The following SEC16A variants were observed in gnomAD, a reference collection of about 807,000 sequenced individuals.
SEC16A encodes SEC16 homolog A, endoplasmic reticulum export factor.
Under a neutral mutation model 221.9 loss-of-function variants are expected in SEC16A, and 110 were observed. The observed-to-expected ratio is 0.50, with a 90% CI of 0.42 to 0.58. The LOEUF (loss-of-function observed/expected upper bound fraction) is 0.58. Ranked by LOEUF, SEC16A falls within the 20% of genes least tolerant of loss-of-function variation. The pLI is 0.00. For synonymous variants in SEC16A, 1,393 were observed against 1,257.7 expected, an observed-to-expected ratio of 1.11 and a Z score of -2.28; for missense variants, 3,165 against 3,097.8, an observed-to-expected ratio of 1.02 and a Z score of -0.52.
At chr9:136,451,491 G>A (rs560337635) in intron 22 of SEC16A, 83 bp from the exon 23 acceptor site, 46 of 1,440,786 alleles carry the variant, frequency 3.2e-5, no homozygotes, top group Non-Finnish European at 3.6e-5. Context: ...TTCCCCAGGC[G>A]TGTTTCCTAA....
chr9:136,482,217 C>G (rs1040499353), intron 1 of SEC16A, among the ~76,000 whole-genome samples: 28 of 152,314 alleles, frequency 1.8e-4, no homozygotes, highest in African/African-American at 6.7e-4. Flanking sequence ...AGTATCACTT[C>G]TAGGAAGAAC....
intron 3 of SEC16A, among the ~76,000 whole-genome samples, 163 bp downstream of exon 3, chr9:136,473,886 T>C (rs1338074322): frequency 6.6e-6 from 1 of 152,242 alleles, no homozygotes; most frequent in African/African-American, 2.4e-5. Flanking sequence ...CCGGGAGCCC[T>C]GTCCTCAGGA....
At chr9:136,464,652 C>G (rs909330784) in intron 8 of SEC16A, 90 bp from the exon 9 acceptor site, 1 of 1,189,532 alleles carries the variant, frequency 8.4e-7, no homozygotes, top group Non-Finnish European at 1.2e-6. Context: ...CAGCTTAAAT[C>G]ACAGGTTAGA....
At chr9:136,465,829 G>A (rs1445733589) in intron 8 of SEC16A, 133 bp downstream of exon 8, 2 of 922,342 alleles carry the variant, frequency 2.2e-6, no homozygotes, top group East Asian at 2.7e-5. Flanking sequence ...CTTCTCGGAA[G>A]GACGGATTGG....
At chr9:136,457,722 CTCA>C (rs1838884543) in intron 17 of SEC16A, 138 bp from the exon 18 acceptor site, 1 of 1,087,104 alleles carries the variant, frequency 9.2e-7, no homozygotes. Context: ...GGACACTTCA[CTCA>C]TCATCGTCTC....
At chr9:136,454,084 C>A in intron 21 of SEC16A, 25 bp downstream of exon 21, 12 of 1,540,390 alleles carry the variant, frequency 7.8e-6, no homozygotes, top group East Asian at 2.4e-5. Flanking sequence ...CTTCTGCTCT[C>A]GAGACAGCAT....
chr9:136,484,358 A>T, upstream of SEC16A: 2 of 1,148,476 alleles, frequency 1.7e-6, no homozygotes, highest in African/African-American at 3.3e-5. Context: ...CCTCCCGCGG[A>T]AGATCGCAGG....
At position 136,474,404 on chromosome 9, in the gene SEC16A, G is replaced by C. The variant is rs748839439; in HGVS notation, c.3212C>G (p.Pro1071Arg). ...CGAAAACATGGCTTTGGGTAGTTGT[G>C]GGGGAGAAGCCTGTTGCTGGGGTGG... is the stretch of plus-strand genomic sequence containing the variant. Reference protein sequence around the residue: ...LVPPQQQASPPQLPKAMFSEL... With the variant: ...LVPPQQQASPRQLPKAMFSEL... Residue 1071 changes from proline (P) to arginine (R), a missense_variant, in exon 3 of 32, where the codon CCA becomes CGA. Transcript: ENST00000684901. 1 of 1,612,746 alleles carries C rather than the reference G, an allele frequency of 6.2e-7. No individual in the cohort carries two copies. Among genetic ancestry groups the C allele is most frequent in the Non-Finnish European group, 8.5e-7 (1 of 1,179,892 alleles).
At position 136,441,722 on chromosome 9, in the gene SEC16A, G is replaced by A. The variant is rs1421760332; in HGVS notation, c.*33C>T. 1.9e-6 allele frequency: 3 copies of A among 1,604,464 alleles called. No homozygotes were observed. The highest frequency in any genetic ancestry group is 3.3e-5 in the Admixed American group (2 of 59,992). On this transcript the variant is annotated 3_prime_UTR_variant, in exon 32 of 32. Coordinates refer to ENST00000684901, the MANE Select transcript of SEC16A (RefSeq NM_014866.2). ...TTCTTCGGGGAGAACAGCAGCGTCA[G>A]GGCTCCAAGTGCAAGTTCACAGCAG... is the stretch of plus-strand genomic sequence containing the variant.
In SEC16A at chr9:136,476,960, T is replaced by G; in HGVS notation, c.656A>C (p.Gln219Pro). The part of the protein sequence containing the change: ...LQMPGQWGPV[Q>P]GGPQPSGQHR... ...TTGCCCCGAGGGCTGTGGGCCTCCC[T>G]GCACTGGCCCCCACTGTCCTGGCAT... The change falls in exon 3 of 32, where the codon CAG (glutamine) becomes CCG (proline). Residue 219 changes from glutamine to proline, a missense_variant. Coordinates refer to ENST00000684901, the MANE Select transcript of SEC16A (RefSeq NM_014866.2). The G allele has an allele frequency of 6.2e-6, 10 of 1,613,012 alleles. No homozygotes were observed. Among genetic ancestry groups the G allele is most frequent in the Non-Finnish European group, 8.5e-6 (10 of 1,179,790 alleles).
At chr9:136,451,188 C>G in intron 23 of SEC16A, 68 bp downstream of exon 23, 1 of 1,516,688 alleles carries the variant, frequency 6.6e-7, no homozygotes, top group Non-Finnish European at 9.0e-7. Flanking sequence ...GAGGATGGCG[C>G]TCTGGGAAGC....
intron 4 of SEC16A, among the ~76,000 whole-genome samples, chr9:136,471,156 G>A (rs1047924851): frequency 1.3e-5 from 2 of 151,790 alleles, no homozygotes; most frequent in Admixed American, 6.6e-5. Context: ...TTCAAGCAGA[G>A]GCGGCAATGT....
chr9:136,483,758 G>A, upstream of SEC16A: 9 of 985,428 alleles, frequency 9.1e-6, no homozygotes, highest in Non-Finnish European at 9.6e-6. Flanking sequence ...CGCGCTCCTC[G>A]CATTCTTCCG....
At chr9:136,471,951 C>A (rs778529063) in intron 4 of SEC16A, 24 bp downstream of exon 4, 2 of 1,609,100 alleles carry the variant, frequency 1.2e-6, no homozygotes, top group Admixed American at 3.3e-5. Flanking sequence ...GACAGAGAGG[C>A]AGCCAGGGTG....
chr9:136,476,633 C>G lies in SEC16A; in HGVS notation c.983G>C (p.Arg328Pro), dbSNP rs1433904976. The change falls in exon 3 of 32, where the codon CGG becomes CCG. Residue 328 changes from arginine (R) to proline (P), a missense_variant. Physicochemically the swap from Arg to Pro is moderately radical, Grantham distance 103 (BLOSUM62 -2). Transcript: ENST00000684901. ...GGGGTTCACAAGAGCAGAGGCGGGCCGGTGCTCATTCTTCACTCCTGGATT... is the reference window on the plus strand; with the variant it reads ...GGGGTTCACAAGAGCAGAGGCGGGCGGGTGCTCATTCTTCACTCCTGGATT... Reference protein sequence around the residue: ...RQNPGVKNEHRPASALVNPLA... With the variant: ...RQNPGVKNEHPPASALVNPLA... The G allele has an allele frequency of 1.0e-5, 16 of 1,580,338 alleles. No individual in the cohort carries two copies. Among genetic ancestry groups the G allele is most frequent in the Non-Finnish European group, 1.4e-5 (16 of 1,161,046 alleles).
chr9:136,444,486 G>A (rs181390068), intron 30 of SEC16A, among the ~76,000 whole-genome samples: 4 of 152,286 alleles, frequency 2.6e-5, no homozygotes, highest in East Asian at 1.9e-4. Flanking sequence ...ACCCAGGCCC[G>A]TCATTGGAAA....
chr9:136,445,488 A>AT (rs375050040), intron 29 of SEC16A, among the ~76,000 whole-genome samples, 157 bp downstream of exon 29: 2 of 151,990 alleles, frequency 1.3e-5, no homozygotes, highest in Non-Finnish European at 2.9e-5. Context: ...AACAAGTGCA[A>AT]TTTTTTTTCC....
intron 22 of SEC16A, among the ~76,000 whole-genome samples, chr9:136,452,793 C>T (rs967677446): frequency 1.0e-4 from 14 of 137,574 alleles, no homozygotes; most frequent in African/African-American, 3.4e-4. Context: ...AAAAAAAAGG[C>T]CAGGCTTGGT....
At chr9:136,467,859 G>C (rs934707114) in intron 5 of SEC16A, among the ~76,000 whole-genome samples, 2 of 152,234 alleles carry the variant, frequency 1.3e-5, no homozygotes, top group Non-Finnish European at 2.9e-5. Flanking sequence ...GTGACCGGAG[G>C]AGGCTCTTCC....
Sources: gnomAD v4.1 joint callset for allele counts (sites outside exome capture counted in the v4.1 genomes callset) on GRCh38, gnomAD v4.1.1 for gene constraint, MANE v1.5 for transcripts, NCBI Gene and HGNC (gene_info 2026-07-23, HGNC 2026-07-21) for gene names.